Variants in KRTAP2-4 observed in about 807,000 individuals in gnomAD.
KRTAP2-4 encodes keratin-associated protein 2-4.
In KRTAP2-4, 7 loss-of-function variants were observed where a neutral mutation model predicts 11.5. The observed-to-expected ratio is 0.61, with a 90% CI of 0.35 to 1.15. The LOEUF is 1.15. KRTAP2-4 is among the 50% of genes most tolerant of loss of function. The pLI is 0.03. For missense variants in KRTAP2-4, 93 were observed against 183.2 expected (o/e 0.51, Z 2.84); for synonymous variants, 49 against 77.9 (o/e 0.63, Z 1.96).
At position 41,065,763 on chromosome 17, in the gene KRTAP2-4, G is replaced by A; in HGVS notation, c.83C>T (p.Pro28Leu). The A allele has an allele frequency of 1.3e-6, 2 of 1,525,378 alleles. No homozygotes were observed. Among genetic ancestry groups the A allele is most frequent in the Non-Finnish European group, 1.8e-6 (2 of 1,141,314 alleles). The allele number at this position is 1,525,378 out of a possible 1,614,324, so 94.5% of individuals were successfully genotyped here. Residue 28 changes from proline to leucine, a missense_variant, in exon 1 of 1, where the codon CCC becomes CTC. By Grantham distance (98) the Pro-to-Leu change is moderately conservative. Transcript: ENST00000394015. ...GCCQPCCCRD[P>L]CCCRPVTCQT... ...GCAGGTCACGGGGCGGCAGCAGCAG[G>A]GGTCGCGGCAGCAGCAGGGCTGGCA... is the stretch of plus-strand genomic sequence containing the variant.
At position 41,065,507 on chromosome 17, in the gene KRTAP2-4, G is replaced by A. The variant is rs751495363; in HGVS notation, c.339C>T (p.Cys113=). ...SVQSPCCRPP[C]GQPTPCSTTC... Reference sequence around the variant, plus strand: ...TGGTGCTGCAAGGGGTCGGCTGGCCGCAGGGGGGCCGGCAGCAGGGGGACT... The same window carrying A: ...TGGTGCTGCAAGGGGTCGGCTGGCCACAGGGGGGCCGGCAGCAGGGGGACT... Residue 113 remains cysteine, a synonymous_variant, in exon 1 of 1, where the codon TGC becomes TGT. Coordinates refer to ENST00000394015, the MANE Select transcript of KRTAP2-4 (RefSeq NM_033184.4). The A allele has an allele frequency of 5.4e-6, 8 of 1,476,228 alleles. No individual in the cohort carries two copies. The highest frequency in any genetic ancestry group is 1.2e-5 in the South Asian group (1 of 82,044). The allele number at this position is 1,476,228 out of a possible 1,614,324, so 91.4% of individuals were successfully genotyped here. A position where few individuals can be genotyped will look rare whatever the true frequency, so the allele number is the denominator to read the frequency against.
In KRTAP2-4 at chr17:41,065,396, T is replaced by C; in HGVS notation, c.*63A>G. On this transcript the variant is annotated 3_prime_UTR_variant, in exon 1 of 1. Coordinates refer to ENST00000394015, the MANE Select transcript of KRTAP2-4 (RefSeq NM_033184.4). ...AAAAAAAATCTATTTTTCTTTTAAC[T>C]TTTTAAAAACACCAGATAGATGTTT... 2 of 1,512,340 alleles carry C rather than the reference T, an allele frequency of 1.3e-6. No individual in the cohort carries two copies. The highest frequency in any genetic ancestry group is 1.8e-6 in the Non-Finnish European group (2 of 1,126,858). The allele number at this position is 1,512,340 out of a possible 1,614,324, so 93.7% of individuals were successfully genotyped here.
chr17:41,065,231 A>G lies in KRTAP2-4; in HGVS notation c.*228T>C. 4 of 788,532 alleles carry G rather than the reference A, an allele frequency of 5.1e-6. No individual in the cohort carries two copies. Among genetic ancestry groups the G allele is most frequent in the Non-Finnish European group, 5.8e-6 (3 of 519,708 alleles). 48.8% of individuals were successfully genotyped at this position (788,532 alleles called of 1,614,324 possible). On this transcript the variant is annotated 3_prime_UTR_variant, in exon 1 of 1. Coordinates refer to ENST00000394015, the MANE Select transcript of KRTAP2-4 (RefSeq NM_033184.4). ...AGAATGTGTTTGCAAAGTCCACCCC[A>G]GGAATTCTTAAAGGTCGATTTACTA...
rs918464129 is a variant in KRTAP2-4 at position 41,065,704 on chromosome 17, G to A, written c.142C>T (p.Pro48Ser). Residue 48 changes from proline to serine, a missense_variant, in exon 1 of 1, where the codon CCC (proline) becomes TCC (serine). By Grantham distance (74) the Pro-to-Ser change is moderately conservative. Coordinates refer to ENST00000394015, the MANE Select transcript of KRTAP2-4 (RefSeq NM_033184.4). ...TTVCRPVTCV[P>S]RCTRPICEPC... The stretch of plus-strand genomic sequence containing the variant: ...TCGCAGATGGGGCGCGTGCAGCGGG[G>A]CACGCAGGTCACGGGGCGGCACACG... 2.0e-6 allele frequency: 3 copies of A among 1,480,552 alleles called. No homozygotes were observed. In the African/African-American group the frequency reaches 4.2e-5, roughly 21 times the overall value. The allele number at this position is 1,480,552 out of a possible 1,614,324, so 91.7% of individuals were successfully genotyped here.
In KRTAP2-4 at chr17:41,065,282, A is replaced by G. The variant is rs1424608603; in HGVS notation, c.*177T>C. 2 of 1,153,292 alleles carry G rather than the reference A, an allele frequency of 1.7e-6. No individual in the cohort carries two copies. Among genetic ancestry groups the G allele is most frequent in the African/African-American group, 1.5e-5 (1 of 64,520 alleles). The allele number at this position is 1,153,292 out of a possible 1,614,324, so 71.4% of individuals were successfully genotyped here. ...TCCATAATGACTAAGGCTGATGTAG[A>G]CACCTGAAAATGTGGGTGAGGGTGG... On this transcript the variant is annotated 3_prime_UTR_variant, in exon 1 of 1. Transcript: ENST00000394015.
rs2013250455 is a variant in KRTAP2-4, at chr17:41,065,225, C to T, written c.*234G>A. On this transcript the variant is annotated 3_prime_UTR_variant, in exon 1 of 1. Coordinates refer to ENST00000394015, the MANE Select transcript of KRTAP2-4 (RefSeq NM_033184.4). ...GGTTGTAGAATGTGTTTGCAAAGTCCACCCCAGGAATTCTTAAAGGTCGAT... is the reference window on the plus strand; with the variant it reads ...GGTTGTAGAATGTGTTTGCAAAGTCTACCCCAGGAATTCTTAAAGGTCGAT... 1 of 745,092 alleles carries T rather than the reference C, an allele frequency of 1.3e-6. No homozygotes were observed. Among genetic ancestry groups the T allele is most frequent in the Non-Finnish European group, 2.1e-6 (1 of 482,096 alleles). 46.2% of individuals were successfully genotyped at this position (745,092 alleles called of 1,614,324 possible). A position where few individuals can be genotyped will look rare whatever the true frequency, so the allele number is the denominator to read the frequency against.
chr17:41,065,299 T>G lies in KRTAP2-4; in HGVS notation c.*160A>C, dbSNP rs989426881. ...TGATGTAGACACCTGAAAATGTGGG[T>G]GAGGGTGGTAATGGACGTCTGCTTA... On this transcript the variant is annotated 3_prime_UTR_variant, in exon 1 of 1. Transcript: ENST00000394015. 2 of 1,260,590 alleles carry G rather than the reference T, an allele frequency of 1.6e-6. No individual in the cohort carries two copies. Among genetic ancestry groups the G allele is most frequent in the African/African-American group, 3.0e-5 (2 of 66,570 alleles). 78.1% of individuals were successfully genotyped at this position (1,260,590 alleles called of 1,614,324 possible).
chr17:41,065,769 CGGCAGCAGCAGGGCT>C lies in KRTAP2-4; in HGVS notation c.62_76del (p.Gln21_Cys25del). On this transcript the variant is annotated inframe_deletion, in exon 1 of 1. Coordinates refer to ENST00000394015, the MANE Select transcript of KRTAP2-4 (RefSeq NM_033184.4). ...CACGGGGCGGCAGCAGCAGGGGTCGCGGCAGCAGCAGGGCTGGCAGCAGCCTCCCCCGTAGCTCAG... is the reference window on the plus strand; with the variant it reads ...CACGGGGCGGCAGCAGCAGGGGTCGCGGCAGCAGCCTCCCCCGTAGCTCAG... The C allele has an allele frequency of 6.5e-7, 1 of 1,527,074 alleles. No homozygotes were observed. Among genetic ancestry groups the C allele is most frequent in the Non-Finnish European group, 8.8e-7 (1 of 1,142,504 alleles). 94.6% of individuals were successfully genotyped at this position (1,527,074 alleles called of 1,614,324 possible). A position where few individuals can be genotyped will look rare whatever the true frequency, so the allele number is the denominator to read the frequency against.
chr17:41,065,122 G>T lies in KRTAP2-4; in HGVS notation c.*337C>A. On this transcript the variant is annotated 3_prime_UTR_variant, in exon 1 of 1. Transcript: ENST00000394015. Reference sequence around the variant, plus strand: ...GGAGCAGGGCAGTCTGCTATGCCAGGAAAAATTAGTTTATTGACAACAGTG... The same window carrying T: ...GGAGCAGGGCAGTCTGCTATGCCAGTAAAAATTAGTTTATTGACAACAGTG... 1 of 411,410 alleles carries T rather than the reference G, an allele frequency of 2.4e-6. No individual in the cohort carries two copies. The highest frequency in any genetic ancestry group is 4.3e-6 in the Non-Finnish European group (1 of 232,836). 25.5% of individuals were successfully genotyped at this position (411,410 alleles called of 1,614,324 possible). A position where few individuals can be genotyped will look rare whatever the true frequency, so the allele number is the denominator to read the frequency against.
chr17:41,065,767 C>T lies in KRTAP2-4; in HGVS notation c.79G>A (p.Asp27Asn), dbSNP rs1238858651. The T allele has an allele frequency of 6.6e-7, 1 of 1,525,812 alleles. No homozygotes were observed. The highest frequency in any genetic ancestry group is 2.4e-5 in the East Asian group (1 of 40,824). 94.5% of individuals were successfully genotyped at this position (1,525,812 alleles called of 1,614,324 possible). Residue 27 changes from aspartate to asparagine, a missense_variant, in exon 1 of 1, where the codon GAC (aspartate) becomes AAC (asparagine). Transcript: ENST00000394015. Reference sequence around the variant, plus strand: ...GTCACGGGGCGGCAGCAGCAGGGGTCGCGGCAGCAGCAGGGCTGGCAGCAG... The same window carrying T: ...GTCACGGGGCGGCAGCAGCAGGGGTTGCGGCAGCAGCAGGGCTGGCAGCAG... ...GGCCQPCCCR[D>N]PCCCRPVTCQ...
rs554309531 is a variant in KRTAP2-4, at chr17:41,065,815, A to G, written c.31T>C (p.Ser11Pro). Residue 11 changes from serine (S) to proline (P), a missense_variant, in exon 1 of 1, where the codon TCC becomes CCC. Transcript: ENST00000394015. The stretch of plus-strand genomic sequence containing the variant: ...CAGCCTCCCCCGTAGCTCAGGGAGG[A>G]CAAGGTGGAGCCGCAGCAGGAGCCG... MTGSCCGSTL[S>P]SLSYGGGCCQ... 6 of 1,530,504 alleles carry G rather than the reference A, an allele frequency of 3.9e-6. No homozygotes were observed. The highest frequency in any genetic ancestry group is 2.4e-5 in the East Asian group (1 of 40,894). The allele number at this position is 1,530,504 out of a possible 1,614,324, so 94.8% of individuals were successfully genotyped here. A position where few individuals can be genotyped will look rare whatever the true frequency, so the allele number is the denominator to read the frequency against.
Position 41,065,511 on chromosome 17 carries a change from G to A in KRTAP2-4, c.335C>T (p.Pro112Leu). Residue 112 changes from proline to leucine, a missense_variant, in exon 1 of 1, where the codon CCC becomes CTC. Transcript: ENST00000394015. ...GCTGCAAGGGGTCGGCTGGCCGCAG[G>A]GGGGCCGGCAGCAGGGGGACTGCAC... ...VSVQSPCCRPPCGQPTPCSTT... is the reference protein window; with the variant it reads ...VSVQSPCCRPLCGQPTPCSTT... 1 of 1,472,172 alleles carries A rather than the reference G, an allele frequency of 6.8e-7. No individual in the cohort carries two copies. The highest frequency in any genetic ancestry group is 9.2e-7 in the Non-Finnish European group (1 of 1,083,232). The allele number at this position is 1,472,172 out of a possible 1,614,324, so 91.2% of individuals were successfully genotyped here.
rs2013264321 is a variant in KRTAP2-4 at position 41,065,607 on chromosome 17, C to T, written c.239G>A (p.Cys80Tyr). The T allele has an allele frequency of 6.6e-7, 1 of 1,512,322 alleles. No individual in the cohort carries two copies. Among genetic ancestry groups the T allele is most frequent in the Non-Finnish European group, 8.9e-7 (1 of 1,129,410 alleles). 93.7% of individuals were successfully genotyped at this position (1,512,322 alleles called of 1,614,324 possible). Residue 80 changes from cysteine (C) to tyrosine (Y), a missense_variant, in exon 1 of 1, where the codon TGC becomes TAC. Physicochemically the swap from Cys to Tyr is radical, Grantham distance 194. Coordinates refer to ENST00000394015, the MANE Select transcript of KRTAP2-4 (RefSeq NM_033184.4). ...QEGCCRPITCCPSSCTAVVCR... is the reference protein window; with the variant it reads ...QEGCCRPITCYPSSCTAVVCR... ...CACCACAGCCGTGCACGACGAGGGG[C>T]AGCAGGTGATGGGGCGGCAGCAGCC...
Position 41,065,449 on chromosome 17 carries a change from C to A in KRTAP2-4, c.*10G>T. ...GCTTCAGTGTATTGCTCTGTGGGGGCATTGGGGTCTCAGCAGGAGGAGGTC... is the reference window on the plus strand; with the variant it reads ...GCTTCAGTGTATTGCTCTGTGGGGGAATTGGGGTCTCAGCAGGAGGAGGTC... On this transcript the variant is annotated 3_prime_UTR_variant, in exon 1 of 1. Coordinates refer to ENST00000394015, the MANE Select transcript of KRTAP2-4 (RefSeq NM_033184.4). The A allele has an allele frequency of 6.3e-7, 1 of 1,590,480 alleles. No homozygotes were observed. Among genetic ancestry groups the A allele is most frequent in the Admixed American group, 1.8e-5 (1 of 55,810 alleles).
Position 41,065,168 on chromosome 17 carries a change from G to C in KRTAP2-4, c.*291C>G. ...CAGTGAGCAACACATTGCAAAAGAT[G>C]ATGGTGACAGTTTGAGCAGTAAAAA... On this transcript the variant is annotated 3_prime_UTR_variant, in exon 1 of 1. Transcript: ENST00000394015. The C allele has an allele frequency of 5.4e-6, 3 of 553,760 alleles. No individual in the cohort carries two copies. Among genetic ancestry groups the C allele is most frequent in the Non-Finnish European group, 9.3e-6 (3 of 322,924 alleles). 34.3% of individuals were successfully genotyped at this position (553,760 alleles called of 1,614,324 possible). A position where few individuals can be genotyped will look rare whatever the true frequency, so the allele number is the denominator to read the frequency against.
At position 41,065,513 on chromosome 17, in the gene KRTAP2-4, G is replaced by A. The variant is rs349782; in HGVS notation, c.333C>T (p.Pro111=). ...PVSVQSPCCR[P]PCGQPTPCST... ...TGCAAGGGGTCGGCTGGCCGCAGGG[G>A]GGCCGGCAGCAGGGGGACTGCACAG... Residue 111 remains proline (P), a synonymous_variant, in exon 1 of 1, where the codon CCC becomes CCT. Transcript: ENST00000394015. 20,124 of 1,469,010 alleles carry A rather than the reference G, an allele frequency of 0.014. 1,205 individuals carry two copies. The African/African-American group carries it at 0.2, about 15-fold the overall frequency. 91.0% of individuals were successfully genotyped at this position (1,469,010 alleles called of 1,614,324 possible).
Position 41,065,172 on chromosome 17 carries a change from G to C in KRTAP2-4, c.*287C>G. 1 of 561,746 alleles carries C rather than the reference G, an allele frequency of 1.8e-6. No homozygotes were observed. Among genetic ancestry groups the C allele is most frequent in the Non-Finnish European group, 3.0e-6 (1 of 328,964 alleles). The allele number at this position is 561,746 out of a possible 1,614,324, so 34.8% of individuals were successfully genotyped here. On this transcript the variant is annotated 3_prime_UTR_variant, in exon 1 of 1. Transcript: ENST00000394015. ...GAGCAACACATTGCAAAAGATGATG[G>C]TGACAGTTTGAGCAGTAAAAACCAT... is the stretch of plus-strand genomic sequence containing the variant.
In KRTAP2-4 at chr17:41,065,253, A is replaced by G; in HGVS notation, c.*206T>C. The G allele has an allele frequency of 2.1e-6, 2 of 936,360 alleles. No individual in the cohort carries two copies. Among genetic ancestry groups the G allele is most frequent in the Non-Finnish European group, 3.1e-6 (2 of 652,284 alleles). 58.0% of individuals were successfully genotyped at this position (936,360 alleles called of 1,614,324 possible). A position where few individuals can be genotyped will look rare whatever the true frequency, so the allele number is the denominator to read the frequency against. On this transcript the variant is annotated 3_prime_UTR_variant, in exon 1 of 1. Transcript: ENST00000394015. ...CCCAGGAATTCTTAAAGGTCGATTT[A>G]CTATCCATAATGACTAAGGCTGATG...
chr17:41,065,687 G>C lies in KRTAP2-4; in HGVS notation c.159C>G (p.Pro53=). The part of the protein sequence containing the change: ...PVTCVPRCTR[P]ICEPCRRPVC... ...CCGGGCGGCGGCAGGGCTCGCAGATGGGGCGCGTGCAGCGGGGCACGCAGG... is the reference window on the plus strand; with the variant it reads ...CCGGGCGGCGGCAGGGCTCGCAGATCGGGCGCGTGCAGCGGGGCACGCAGG... Residue 53 remains proline (P), a synonymous_variant, in exon 1 of 1, where the codon CCC becomes CCG. Coordinates refer to ENST00000394015, the MANE Select transcript of KRTAP2-4 (RefSeq NM_033184.4). The C allele has an allele frequency of 6.8e-7, 1 of 1,467,118 alleles. No individual in the cohort carries two copies. The highest frequency in any genetic ancestry group is 9.0e-7 in the Non-Finnish European group (1 of 1,109,850). The allele number at this position is 1,467,118 out of a possible 1,614,324, so 90.9% of individuals were successfully genotyped here.
Sources: allele counts gnomAD v4.1 joint callset, GRCh38; gene constraint gnomAD v4.1.1; transcripts MANE v1.5; gene names NCBI Gene and HGNC (gene_info 2026-07-23, HGNC 2026-07-21).